The following DNAAF1 variants were observed in gnomAD, a reference collection of about 807,000 sequenced individuals.
The protein encoded by DNAAF1 is dynein axonemal assembly factor 1.
A neutral mutation model predicts 71.1 loss-of-function variants in DNAAF1; 65 were observed. That is an observed-to-expected ratio of 0.91 (90% CI 0.75 to 1.12). The LOEUF (loss-of-function observed/expected upper bound fraction) is 1.12, where lower values mean the gene tolerates loss of function less well. DNAAF1 is among the 50% of genes most tolerant of loss of function. The pLI is 0.00. For synonymous variants in DNAAF1, 414 were observed against 354.6 expected (o/e 1.17, Z -1.88); for missense variants, 1,178 against 899.8 (o/e 1.31, Z -3.96).
At chr16:84,149,552 G>A (rs867431317) in intron 2 of DNAAF1, among the ~76,000 whole-genome samples, 2 of 151,492 alleles carry the variant, frequency 1.3e-5, no homozygotes, top group Non-Finnish European at 2.9e-5. Flanking sequence ...TTAGCTGGGC[G>A]TAGTGGCGGG....
Position 84,165,865 on chromosome 16 carries a change from A to T in DNAAF1, c.946A>T (p.Lys316Ter), listed in dbSNP as rs562962189. 1 of 1,613,536 alleles carries T rather than the reference A, an allele frequency of 6.2e-7. No homozygotes were observed. The highest frequency in any genetic ancestry group is 1.3e-5 in the African/African-American group (1 of 74,850). Residue 316 changes from lysine to a stop codon, truncating the protein, a stop_gained, in exon 7 of 12, where the codon AAG becomes TAG. Transcript: ENST00000378553. LOFTEE classifies it high-confidence loss of function. Reference protein sequence around the residue: ...RQQWESRERKKITDSIEALAM... With the variant: ...RQQWESRERK ...GCAGTGGGAGAGCAGGGAGCGGAAG[A>T]AGATCACAGACAGCATTGAAGCCTT...
At chr16:84,169,077 CTTT>C (rs567267370) in intron 7 of DNAAF1, among the ~76,000 whole-genome samples, 2,533 of 70,660 alleles carry the variant, frequency 0.036, 25 homozygotes, top group Non-Finnish European at 0.041. Context: ...CTCAAGGATA[CTTT>C]TTTTTTTTTT....
At position 84,148,596 on chromosome 16, in the gene DNAAF1, C is replaced by CTCTCTCTTTTTTTTT; in HGVS notation, c.125-410_125-409insCTCTCTTTTTTTTTT. On this transcript the variant is annotated intron_variant, in intron 1 of 11. Coordinates refer to ENST00000378553, the MANE Select transcript of DNAAF1 (RefSeq NM_178452.6). ...AAAGATTACTGTTCTCTCTCTCTCTCTTTTTTTTTTTTTTTTTTGGTGAGA... is the reference window on the plus strand; with the variant it reads ...AAAGATTACTGTTCTCTCTCTCTCTCTCTCTCTTTTTTTTTTTTTTTTTTTTTTTTTTTGGTGAGA... Among the ~76,000 whole-genome samples the CTCTCTCTTTTTTTTT allele has an allele frequency of 3.4e-4, 15 of 43,568 alleles. 1 individual carries two copies. Among genetic ancestry groups the CTCTCTCTTTTTTTTT allele is most frequent in the African/African-American group, 8.3e-4 (9 of 10,848 alleles). The allele number at this position is 43,568 out of a possible 152,430, so 28.6% of individuals were successfully genotyped here. A position where few individuals can be genotyped will look rare whatever the true frequency, so the allele number is the denominator to read the frequency against.
Position 84,170,293 on chromosome 16 carries a change from G to C in DNAAF1, c.1465G>C (p.Glu489Gln). ...GGTTAAAGGAGAGGATGGAGATCGA[G>C]AGCCAGAGGGGACCCTCCCAGCTGA... ...VKVKGEDGDR[E>Q]PEGTLPAEAP... The change falls in exon 8 of 12, where the codon GAG becomes CAG. Residue 489 changes from glutamate to glutamine, a missense_variant. Glu to Gln is a conservative substitution (Grantham distance 29). Transcript: ENST00000378553. 6 of 1,612,416 alleles carry C rather than the reference G, an allele frequency of 3.7e-6. No homozygotes were observed. Among genetic ancestry groups the C allele is most frequent in the Non-Finnish European group, 4.2e-6 (5 of 1,179,298 alleles).
chr16:84,156,579 G>A (rs1251238922), intron 5 of DNAAF1, among the ~76,000 whole-genome samples: 1 of 152,150 alleles, frequency 6.6e-6, no homozygotes, highest in African/African-American at 2.4e-5. Context: ...GAAGTTCCCC[G>A]TCAGTCCTTC....
chr16:84,166,892 C>T (rs1236053168), intron 7 of DNAAF1, among the ~76,000 whole-genome samples: 13 of 152,210 alleles, frequency 8.5e-5, no homozygotes, highest in Admixed American at 6.5e-4. Flanking sequence ...ACACTCTCAA[C>T]ACTCAGCACA....
chr16:84,149,999 T>G (rs2087109840), intron 2 of DNAAF1, among the ~76,000 whole-genome samples: 1 of 151,160 alleles, frequency 6.6e-6, no homozygotes, highest in Admixed American at 6.6e-5. Context: ...CACTCCAGCC[T>G]GGGCAATAGA....
intron 7 of DNAAF1, among the ~76,000 whole-genome samples, chr16:84,168,965 G>A (rs374494517): frequency 1.9e-3 from 283 of 151,134 alleles, no homozygotes; most frequent in African/African-American, 5.6e-3. Flanking sequence ...CTATTTTCTT[G>A]ATAGCTGTGA....
Position 84,177,866 on chromosome 16 carries a change from A to T in DNAAF1, c.*25A>T, listed in dbSNP as rs200350103. The T allele has an allele frequency of 1.1e-5, 18 of 1,579,900 alleles. No individual in the cohort carries two copies. The East Asian group carries it at 3.8e-4, about 33-fold the overall frequency. ...GTTTTCCCCAGTTATATGTAGCATA[A>T]ATGGTTTAATCATAAATGTCTCCCT... is the stretch of plus-strand genomic sequence containing the variant. On this transcript the variant is annotated 3_prime_UTR_variant, in exon 12 of 12. Coordinates refer to ENST00000378553, the MANE Select transcript of DNAAF1 (RefSeq NM_178452.6).
rs2151196869 is a variant in DNAAF1, at chr16:84,145,352, A to G, written c.-89A>G. The G allele has an allele frequency of 1.3e-6, 2 of 1,534,324 alleles. No individual in the cohort carries two copies. Among genetic ancestry groups the G allele is most frequent in the Non-Finnish European group, 1.8e-6 (2 of 1,141,518 alleles). ...CGGCTGGCGAAGAAGGAAAGAGGGT[A>G]CTCTCTGGCTGGGCTGGGGCCGTAG... is the stretch of plus-strand genomic sequence containing the variant. On this transcript the variant is annotated 5_prime_UTR_variant, in exon 1 of 12. Transcript: ENST00000378553.
chr16:84,166,703 C>T (rs1012716095), intron 7 of DNAAF1, among the ~76,000 whole-genome samples: 2 of 152,162 alleles, frequency 1.3e-5, no homozygotes, highest in African/African-American at 4.8e-5. Context: ...TTCCTCACAA[C>T]CTGCAGATCC....
chr16:84,149,222 A>C (rs978222292), intron 2 of DNAAF1, 80 bp downstream of exon 2: 3 of 1,562,796 alleles, frequency 1.9e-6, no homozygotes, highest in Admixed American at 1.7e-5. Context: ...CGGATAATGA[A>C]ATAGAGGCTG....
intron 2 of DNAAF1, among the ~76,000 whole-genome samples, chr16:84,149,571 A>T (rs902860291): frequency 1.3e-5 from 2 of 151,144 alleles, no homozygotes; most frequent in Non-Finnish European, 2.9e-5. Flanking sequence ...GGCACCTGTA[A>T]TCCCAGCTAC....
chr16:84,160,750 C>G (rs111890360), intron 6 of DNAAF1, among the ~76,000 whole-genome samples: 4 of 151,670 alleles, frequency 2.6e-5, no homozygotes, highest in Non-Finnish European at 5.9e-5. Flanking sequence ...CTGGCTAACA[C>G]GGTGAAACCG....
At chr16:84,165,975 C>T (rs2151253240) in intron 7 of DNAAF1, 26 bp downstream of exon 7, 2 of 1,611,640 alleles carry the variant, frequency 1.2e-6, no homozygotes, top group East Asian at 2.2e-5. Flanking sequence ...AAGACAACAG[C>T]CCCAGAGTTC....
At chr16:84,167,287 T>A (rs918815774) in intron 7 of DNAAF1, among the ~76,000 whole-genome samples, 4 of 152,162 alleles carry the variant, frequency 2.6e-5, no homozygotes, top group African/African-American at 7.2e-5. Context: ...TCATACCCTC[T>A]CTGGCCACAC....
intron 11 of DNAAF1, chr16:84,176,659 A>C (rs2088685995): frequency 2.7e-6 from 1 of 364,562 alleles, no homozygotes; most frequent in East Asian, 6.6e-5. Context: ...GCCTTTCTAG[A>C]CCAGGGCTTT....
chr16:84,177,482 C>A (rs2088781522), intron 11 of DNAAF1: 1 of 426,782 alleles, frequency 2.3e-6, no homozygotes, highest in Non-Finnish European at 4.5e-6. Context: ...GGGCCTGCCA[C>A]CACGCCCAGC....
intron 3 of DNAAF1, among the ~76,000 whole-genome samples, chr16:84,152,679 C>T (rs1567538482): frequency 2.7e-5 from 4 of 148,786 alleles, no homozygotes; most frequent in Admixed American, 1.3e-4. Flanking sequence ...GTTGGCTGGG[C>T]GCGGTGGCTC....
Sources: allele counts gnomAD v4.1 joint callset (sites outside exome capture counted in the v4.1 genomes callset), GRCh38; gene constraint gnomAD v4.1.1; transcripts MANE v1.5; gene names NCBI Gene and HGNC (gene_info 2026-07-23, HGNC 2026-07-21).